Variants in GFOD2 observed in about 807,000 individuals in gnomAD.
GFOD2 encodes glucose-fructose oxidoreductase domain-containing protein 2.
In GFOD2, 9 loss-of-function variants were observed where a neutral mutation model predicts 24.6. That is an observed-to-expected ratio of 0.37 (90% CI 0.22 to 0.64). The LOEUF (loss-of-function observed/expected upper bound fraction) is 0.64. Among genes scored for constraint, GFOD2 ranks in the 30% least tolerant of loss-of-function variants. The pLI is 0.65. For synonymous variants in GFOD2, 211 were observed against 224.8 expected (o/e 0.94, Z 0.55); for missense variants, 476 against 532.5 (o/e 0.89, Z 1.04).
rs2053293518 is a variant in GFOD2 at position 67,689,269 on chromosome 16, G to C, written c.-87-3467C>G. On this transcript the variant is annotated intron_variant, in intron 1 of 2. Transcript: ENST00000268797. ...GACCAGGCTGGTCTCGAACTCCTGA[G>C]CTCAAGCGACCTACCCACCTTGGCC... 3.3e-5 allele frequency among the ~76,000 whole-genome samples: 5 copies of C among 150,400 alleles called. No individual in the cohort carries two copies. The South Asian group carries it at 1.1e-3, about 32-fold the overall frequency.
intron 1 of GFOD2, among the ~76,000 whole-genome samples, chr16:67,703,999 T>C (rs550918507): frequency 6.6e-6 from 1 of 152,316 alleles, no homozygotes; most frequent in African/African-American, 2.4e-5. Context: ...GGTTCATCCA[T>C]GTTGTAGCAT....
chr16:67,685,044 G>A (rs1265804860), intron 2 of GFOD2: 2 of 1,113,526 alleles, frequency 1.8e-6, no homozygotes, highest in African/African-American at 3.2e-5. Context: ...CAAAACATGG[G>A]AAATGGTAGC....
rs895506053 is a variant in GFOD2 at position 67,710,448 on chromosome 16, T to C, written c.-88+8715A>G. Among the ~76,000 whole-genome samples, 4 of 152,032 alleles carry C rather than the reference T, an allele frequency of 2.6e-5. No individual in the cohort carries two copies. The East Asian group carries it at 5.8e-4, about 22-fold the overall frequency. On this transcript the variant is annotated intron_variant, in intron 1 of 2. Transcript: ENST00000268797. ...GGTGCGATCTCAGCTCACCGCAAGCTCCGCCTCCCGGGTTCACGCCATTCT... is the reference window on the plus strand; with the variant it reads ...GGTGCGATCTCAGCTCACCGCAAGCCCCGCCTCCCGGGTTCACGCCATTCT...
At position 67,675,606 on chromosome 16, in the gene GFOD2, G is replaced by A; in HGVS notation, c.707C>T (p.Thr236Ile). 6.2e-7 allele frequency: 1 copy of A among 1,613,308 alleles called. No homozygotes were observed. Among genetic ancestry groups the A allele is most frequent in the Non-Finnish European group, 8.5e-7 (1 of 1,180,038 alleles). Residue 236 changes from threonine (T) to isoleucine (I), a missense_variant, in exon 3 of 3, where the codon ACA (threonine) becomes ATA (isoleucine). Transcript: ENST00000268797. Reference sequence around the variant, plus strand: ...TGGCATGTTGAAGTTGAGTGTCACTGTGCTACACACACCCCCACCCATGAG... The same window carrying A: ...TGGCATGTTGAAGTTGAGTGTCACTATGCTACACACACCCCCACCCATGAG... Reference protein sequence around the residue: ...QMLMGGGVCSTVTLNFNMPGA... With the variant: ...QMLMGGGVCSIVTLNFNMPGA...
chr16:67,701,709 A>G (rs2053403686), intron 1 of GFOD2, among the ~76,000 whole-genome samples: 1 of 152,048 alleles, frequency 6.6e-6, no homozygotes, highest in South Asian at 2.1e-4. Flanking sequence ...CAAAACTGAT[A>G]GCACAGAATA....
At chr16:67,682,580 G>A in intron 2 of GFOD2, 1 of 985,386 alleles carries the variant, frequency 1.0e-6, no homozygotes, top group African/African-American at 1.7e-5. Context: ...GGTAGAAGAT[G>A]AAGAACATAG....
chr16:67,684,820 GGAACTGTAGGA>G (rs2053253851), intron 2 of GFOD2: 2 of 985,684 alleles, frequency 2.0e-6, no homozygotes, highest in African/African-American at 3.5e-5. Context: ...AAGACCAACG[GGAACTGTAGGA>G]GAACAGCTCA....
intron 1 of GFOD2, among the ~76,000 whole-genome samples, chr16:67,702,035 C>A (rs1375951910): frequency 6.6e-6 from 1 of 152,090 alleles, no homozygotes; most frequent in Admixed American, 6.6e-5. Context: ...TGGGAGAAAT[C>A]CAATCTGGTA....
In GFOD2 at chr16:67,674,912, G is replaced by A. The variant is rs1022886329; in HGVS notation, c.*243C>T. ...CGACTCACTGGCATCACCATGAGGA[G>A]GCCTGGCGGCAGCTCTGCCCTGTGC... On this transcript the variant is annotated 3_prime_UTR_variant, in exon 3 of 3. Transcript: ENST00000268797. 1 of 508,150 alleles carries A rather than the reference G, an allele frequency of 2.0e-6. No individual in the cohort carries two copies. Among genetic ancestry groups the A allele is most frequent in the African/African-American group, 1.9e-5 (1 of 52,202 alleles). 31.5% of individuals were successfully genotyped at this position (508,150 alleles called of 1,614,324 possible). A position where few individuals can be genotyped will look rare whatever the true frequency, so the allele number is the denominator to read the frequency against.
chr16:67,696,448 C>A (rs767769211), intron 1 of GFOD2, among the ~76,000 whole-genome samples: 1 of 151,626 alleles, frequency 6.6e-6, no homozygotes, highest in Non-Finnish European at 1.5e-5. Flanking sequence ...ATATAAGTAT[C>A]GGTAGCTTAA....
chr16:67,689,227 T>G (rs1048509329), intron 1 of GFOD2, among the ~76,000 whole-genome samples: 2 of 150,016 alleles, frequency 1.3e-5, no homozygotes, highest in Admixed American at 6.6e-5. Flanking sequence ...TTGGTAGTGA[T>G]GAGGTTTCGC....
rs1461344407 is a variant in GFOD2 at position 67,686,835 on chromosome 16, C to T, written c.-87-1033G>A. 2.0e-5 allele frequency among the ~76,000 whole-genome samples: 3 copies of T among 150,962 alleles called. No homozygotes were observed. In the East Asian group the frequency reaches 5.8e-4, roughly 29 times the overall value. The stretch of plus-strand genomic sequence containing the variant: ...TGGGCGACAAGAGTGAGACTCTATC[C>T]AAAAAAGAAAGAAAGAAAGAAAGAC... On this transcript the variant is annotated intron_variant, in intron 1 of 2. Coordinates refer to ENST00000268797, the MANE Select transcript of GFOD2 (RefSeq NM_030819.4).
intron 2 of GFOD2, chr16:67,682,287 C>T (rs1567654361): frequency 3.4e-5 from 31 of 905,186 alleles, no homozygotes; most frequent in East Asian, 2.4e-4. Flanking sequence ...CCGCCCGCCT[C>T]GGCCTCCCAA....
intron 2 of GFOD2, chr16:67,677,075 A>C (rs984923763): frequency 1.3e-5 from 2 of 152,230 alleles, no homozygotes; most frequent in African/African-American, 4.8e-5. Context: ...GTAAGCCAGA[A>C]AGGGTAAAGA....
chr16:67,694,984 TC>T, intron 1 of GFOD2, among the ~76,000 whole-genome samples: 1 of 145,036 alleles, frequency 6.9e-6, no homozygotes, highest in Non-Finnish European at 1.5e-5. Context: ...TCTCCATCTC[TC>T]TCTTTTTTTT....
chr16:67,716,944 T>C (rs1341817465), intron 1 of GFOD2, among the ~76,000 whole-genome samples: 1 of 152,242 alleles, frequency 6.6e-6, no homozygotes, highest in Non-Finnish European at 1.5e-5. Flanking sequence ...TTGTCCAGGC[T>C]GGAGTGCAAT....
At chr16:67,682,849 G>A in intron 2 of GFOD2, 3 of 984,896 alleles carry the variant, frequency 3.0e-6, no homozygotes, top group Non-Finnish European at 3.6e-6. Context: ...AAAATGATTG[G>A]ATCAGTGGCT....
rs778110641 is a variant in GFOD2, at chr16:67,675,167, C to G, written c.1146G>C (p.Arg382=). The change falls in exon 3 of 3, where the codon CGG becomes CGC. Residue 382 remains arginine (R), a synonymous_variant. Coordinates refer to ENST00000268797, the MANE Select transcript of GFOD2 (RefSeq NM_030819.4). ...TNQNLCEALQ[R]NNL ...CCCAGGTGCAGGCTCATAGGTTGTT[C>G]CGCTGAAGTGCCTCACACAGGTTCT... 1.2e-6 allele frequency: 2 copies of G among 1,612,090 alleles called. No individual in the cohort carries two copies.
chr16:67,705,286 C>T (rs772655501), intron 1 of GFOD2, among the ~76,000 whole-genome samples: 4 of 152,166 alleles, frequency 2.6e-5, no homozygotes, highest in Non-Finnish European at 4.4e-5. Flanking sequence ...CAGCTCACTG[C>T]AACCTTCGCC....
Sources: gnomAD v4.1 joint callset for allele counts (sites outside exome capture counted in the v4.1 genomes callset) on GRCh38, gnomAD v4.1.1 for gene constraint, MANE v1.5 for transcripts, NCBI Gene and HGNC (gene_info 2026-07-23, HGNC 2026-07-21) for gene names.